Variants in SYNDIG1L observed in about 807,000 individuals in gnomAD.
The protein encoded by SYNDIG1L is synapse differentiation-inducing gene protein 1-like.
Under a neutral mutation model 20.1 loss-of-function variants are expected in SYNDIG1L, and 13 were observed. That is an observed-to-expected ratio of 0.65 (90% CI 0.42 to 1.03). SYNDIG1L has a LOEUF of 1.03. Among genes scored for constraint, SYNDIG1L ranks in the 50% least tolerant of loss-of-function variants. The pLI, the probability that SYNDIG1L is intolerant of heterozygous loss-of-function variation, is 0.00. For synonymous variants in SYNDIG1L, 128 were observed against 129.3 expected (o/e 0.99, Z 0.07); for missense variants, 294 against 305.1 (o/e 0.96, Z 0.27).
intron 1 of SYNDIG1L, among the ~76,000 whole-genome samples, chr14:74,414,182 A>C (rs895904362): frequency 6.6e-6 from 1 of 152,154 alleles, no homozygotes; most frequent in African/African-American, 2.4e-5. Context: ...CTGTGTGGTT[A>C]CCTGAGGACC....
rs112016863 is a variant in SYNDIG1L at position 74,412,231 on chromosome 14, C to A, written c.-57-2430G>T. On this transcript the variant is annotated intron_variant, in intron 1 of 3. Transcript: ENST00000331628. The stretch of plus-strand genomic sequence containing the variant: ...GGCAGAGGCCTTGCTGGGCTGGGCT[C>A]GTGGCTGGGCTCCTCTGGGCAGATT... Among the ~76,000 whole-genome samples the A allele has an allele frequency of 2.6e-4, 39 of 152,302 alleles. 1 individual carries two copies. The highest frequency in any genetic ancestry group is 8.4e-4 in the African/African-American group (35 of 41,568).
chr14:74,472,064 T>C, the SYNDIG1L span: 2 of 152,204 alleles, frequency 1.3e-5, no homozygotes, highest in South Asian at 4.1e-4. Flanking sequence ...AACGGACTAA[T>C]TGTATCCCAT....
At chr14:74,454,489 C>G in the SYNDIG1L span, among the ~76,000 whole-genome samples, 1 of 152,162 alleles carries the variant, frequency 6.6e-6, no homozygotes, top group African/African-American at 2.4e-5. Flanking sequence ...CTGCCTGGCT[C>G]TAGTGGCCAG....
In SYNDIG1L at chr14:74,407,590, T is replaced by C; in HGVS notation, c.662A>G (p.Tyr221Cys). ...TGCCAGAGCCACCACCACAGCCACG[T>C]AGAGACCGGCCCCCACGGCGATGGC... ...TLAIAVGAGL[Y>C]VAVVVALAAY... The change falls in exon 4 of 4, where the codon TAC (tyrosine) becomes TGC (cysteine). Residue 221 changes from tyrosine (Y) to cysteine (C), a missense_variant. Physicochemically the swap from Tyr to Cys is radical, Grantham distance 194. Transcript: ENST00000331628. 6.2e-7 allele frequency: 1 copy of C among 1,614,088 alleles called. No individual in the cohort carries two copies. Among genetic ancestry groups the C allele is most frequent in the African/African-American group, 1.3e-5 (1 of 75,050 alleles).
At chr14:74,445,012 TG>T in the SYNDIG1L span, among the ~76,000 whole-genome samples, 1 of 152,130 alleles carries the variant, frequency 6.6e-6, no homozygotes, top group African/African-American at 2.4e-5. Flanking sequence ...TGATCCCCAG[TG>T]TTGGAGGTGG....
upstream of SYNDIG1L, among the ~76,000 whole-genome samples, chr14:74,430,425 G>A (rs756998403): frequency 7.0e-6 from 1 of 142,298 alleles, no homozygotes; most frequent in Non-Finnish European, 1.5e-5. Context: ...GAAAATGAGC[G>A]GAAGAATACG....
the SYNDIG1L span, among the ~76,000 whole-genome samples, chr14:74,477,080 ACACACACAC>A: frequency 9.2e-6 from 1 of 108,964 alleles, no homozygotes; most frequent in African/African-American, 3.9e-5. Flanking sequence ...ACACACACAC[ACACACACAC>A]AACCCTGTCT....
At chr14:74,464,939 C>T in the SYNDIG1L span, among the ~76,000 whole-genome samples, 1 of 152,196 alleles carries the variant, frequency 6.6e-6, no homozygotes, top group South Asian at 2.1e-4. Context: ...GCCCCCGCAC[C>T]CCACCCTTCC....
At chr14:74,427,192 C>T (rs2086273977), upstream of SYNDIG1L, among the ~76,000 whole-genome samples, 1 of 148,692 alleles carries the variant, frequency 6.7e-6, no homozygotes, top group African/African-American at 2.5e-5. Flanking sequence ...TCTTCGAGCG[C>T]CTTCACAAGG....
the SYNDIG1L span, among the ~76,000 whole-genome samples, chr14:74,477,877 C>T: frequency 6.6e-6 from 1 of 152,156 alleles, no homozygotes; most frequent in African/African-American, 2.4e-5. Context: ...AGATTCAGTG[C>T]TTCTCAATGT....
chr14:74,433,200 C>A, the SYNDIG1L span, among the ~76,000 whole-genome samples: 2 of 152,162 alleles, frequency 1.3e-5, no homozygotes, highest in Admixed American at 1.3e-4. Context: ...ATCAGGCACA[C>A]CTAGGTTCAA....
At chr14:74,451,886 A>G in the SYNDIG1L span, among the ~76,000 whole-genome samples, 1 of 146,568 alleles carries the variant, frequency 6.8e-6, no homozygotes, top group African/African-American at 2.5e-5. Context: ...GCTACTTGGG[A>G]GGCTGAAGTG....
chr14:74,409,574 TG>T lies in SYNDIG1L; in HGVS notation c.170del (p.Pro57GlnfsTer153). On this transcript the variant is annotated frameshift_variant, in exon 2 of 4. Transcript: ENST00000331628. LOFTEE classifies it high-confidence loss of function. ...GPAGAHQLLD[P>X]GSLQLAVEAW... ...CCTCCACGGCCAGCTGCAGGGACCCTGGGTCCAGGAGCTGGTGGGCTCCGGC... is the reference window on the plus strand; with the variant it reads ...CCTCCACGGCCAGCTGCAGGGACCCTGGTCCAGGAGCTGGTGGGCTCCGGC... The T allele has an allele frequency of 3.3e-6, 5 of 1,520,046 alleles. No individual in the cohort carries two copies. Among genetic ancestry groups the T allele is most frequent in the Non-Finnish European group, 4.4e-6 (5 of 1,134,986 alleles). The allele number at this position is 1,520,046 out of a possible 1,614,324, so 94.2% of individuals were successfully genotyped here. A position where few individuals can be genotyped will look rare whatever the true frequency, so the allele number is the denominator to read the frequency against.
intron 1 of SYNDIG1L, among the ~76,000 whole-genome samples, chr14:74,413,842 C>T (rs920433245): frequency 6.6e-6 from 1 of 152,168 alleles, no homozygotes; most frequent in South Asian, 2.1e-4. Context: ...ATAAAGCAAT[C>T]TGAGTTAGCA....
intron 1 of SYNDIG1L, among the ~76,000 whole-genome samples, chr14:74,424,679 G>A (rs919358812): frequency 2.0e-5 from 3 of 152,168 alleles, no homozygotes; most frequent in African/African-American, 7.2e-5. Context: ...GACAAAGGGA[G>A]ACATGGCCAT....
chr14:74,475,267 T>A, the SYNDIG1L span, among the ~76,000 whole-genome samples: 1 of 151,398 alleles, frequency 6.6e-6, no homozygotes, highest in African/African-American at 2.4e-5. Flanking sequence ...ATGCGTCAGG[T>A]ACTGCACTGA....
rs190202472 is a variant in SYNDIG1L at position 74,406,324 on chromosome 14, G to A, written c.*1211C>T. 8.6e-4 allele frequency: 317 copies of A among 370,392 alleles called. No individual in the cohort carries two copies. In the East Asian group the frequency reaches 0.011, roughly 13 times the overall value. 22.9% of individuals were successfully genotyped at this position (370,392 alleles called of 1,614,324 possible). A position where few individuals can be genotyped will look rare whatever the true frequency, so the allele number is the denominator to read the frequency against. On this transcript the variant is annotated 3_prime_UTR_variant, in exon 4 of 4. Coordinates refer to ENST00000331628, the MANE Select transcript of SYNDIG1L (RefSeq NM_001105579.2). Reference sequence around the variant, plus strand: ...TTGGTCTTTGAGAGACAGGTGTGACGTTCCTCCTTGAGTTGGCAGAACCCT... The same window carrying A: ...TTGGTCTTTGAGAGACAGGTGTGACATTCCTCCTTGAGTTGGCAGAACCCT...
the SYNDIG1L span, chr14:74,479,906 C>T: frequency 3.6e-6 from 4 of 1,121,784 alleles, no homozygotes; most frequent in Non-Finnish European, 4.6e-6. Flanking sequence ...GCAGAATGTA[C>T]CCTGAAAGGA....
At chr14:74,410,058 C>A (rs2086119559) in intron 1 of SYNDIG1L, among the ~76,000 whole-genome samples, 1 of 152,190 alleles carries the variant, frequency 6.6e-6, no homozygotes, top group African/African-American at 2.4e-5. Context: ...TACTGAGCAT[C>A]AGCTATATGC....
Sources: gnomAD v4.1 joint callset for allele counts (sites outside exome capture counted in the v4.1 genomes callset) on GRCh38, gnomAD v4.1.1 for gene constraint, MANE v1.5 for transcripts, NCBI Gene and HGNC (gene_info 2026-07-23, HGNC 2026-07-21) for gene names.